Variants in SLC25A48 observed in about 807,000 individuals in gnomAD.
The protein encoded by SLC25A48 is solute carrier family 25 member 48.
In SLC25A48, 29 loss-of-function variants were observed where a neutral mutation model predicts 32.2. The observed-to-expected ratio is 0.90, with a 90% CI of 0.67 to 1.23. The LOEUF (loss-of-function observed/expected upper bound fraction) is 1.23, where lower values mean the gene tolerates loss of function less well. Among genes scored for constraint, SLC25A48 ranks in the 50% most tolerant of loss-of-function variants. The probability of loss-of-function intolerance (pLI) is 0.00; values close to 1 mark genes in which losing one functional copy is unlikely to be tolerated. For missense variants in SLC25A48, 399 were observed against 422.7 expected (o/e 0.94, Z 0.49); for synonymous variants, 164 against 172.3 (o/e 0.95, Z 0.38).
chr5:135,869,315 C>G (rs536450340), intron 4 of SLC25A48, among the ~76,000 whole-genome samples: 2 of 152,264 alleles, frequency 1.3e-5, no homozygotes, highest in Admixed American at 1.3e-4. Context: ...ACTGCACTAA[C>G]AGCCATAAAT....
chr5:135,636,308 C>T (rs773895389), intron 3 of SLC25A48, among the ~76,000 whole-genome samples: 4 of 152,020 alleles, frequency 2.6e-5, no homozygotes, highest in East Asian at 3.9e-4. Flanking sequence ...GTTTAATGAG[C>T]GAGAGACAAG....
chr5:135,586,106 T>C (rs2109004), intron 1 of SLC25A48, among the ~76,000 whole-genome samples: 13,508 of 152,276 alleles, frequency 0.089, 602 homozygotes, highest in South Asian at 0.15. Flanking sequence ...AGGTTAAGTA[T>C]GTTGCCCAAA....
chr5:135,865,263 C>T (rs1761097522), intron 4 of SLC25A48, among the ~76,000 whole-genome samples: 1 of 152,160 alleles, frequency 6.6e-6, no homozygotes, highest in Admixed American at 6.5e-5. Flanking sequence ...TCTTGGGCCT[C>T]TCACGTCATG....
chr5:135,728,725 C>T (rs987276529), intron 3 of SLC25A48, among the ~76,000 whole-genome samples: 1 of 152,078 alleles, frequency 6.6e-6, no homozygotes, highest in African/African-American at 2.4e-5. Context: ...AGATGAAGAT[C>T]CAGTTCTTTG....
chr5:135,722,233 A>G (rs1308633248), intron 3 of SLC25A48, among the ~76,000 whole-genome samples: 1 of 152,030 alleles, frequency 6.6e-6, no homozygotes, highest in Non-Finnish European at 1.5e-5. Flanking sequence ...TCTCACATTT[A>G]CTTGTGCTTG....
intron 3 of SLC25A48, among the ~76,000 whole-genome samples, chr5:135,673,225 T>G (rs1345489383): frequency 6.6e-6 from 1 of 152,236 alleles, no homozygotes; most frequent in East Asian, 1.9e-4. Flanking sequence ...TGTATTTTAA[T>G]TCCTCTTTGC....
chr5:135,653,369 G>A (rs1471273766), intron 3 of SLC25A48, among the ~76,000 whole-genome samples: 2 of 152,164 alleles, frequency 1.3e-5, no homozygotes, highest in African/African-American at 4.8e-5. Context: ...GATTCTGTAG[G>A]TCACTTCCAT....
At position 135,883,160 on chromosome 5, in the gene SLC25A48, C is replaced by A. The variant is rs1762594336; in HGVS notation, c.*7+3063C>A. The stretch of plus-strand genomic sequence containing the variant: ...ACTCTCCACCAGGTGGGCTTTCAGC[C>A]AGGCAGGCTGTCCTCAGAACCTCTT... On this transcript the variant is annotated intron_variant, in intron 7 of 7. Coordinates refer to ENST00000681962, the MANE Select transcript of SLC25A48 (RefSeq NM_001349336.2). 7 of 985,506 alleles carry A rather than the reference C, an allele frequency of 7.1e-6. No individual in the cohort carries two copies. The South Asian group carries it at 3.3e-4, about 46-fold the overall frequency. The allele number at this position is 985,506 out of a possible 1,614,324, so 61.0% of individuals were successfully genotyped here.
chr5:135,796,234 A>G (rs1353576388), intron 3 of SLC25A48, among the ~76,000 whole-genome samples: 3 of 151,112 alleles, frequency 2.0e-5, no homozygotes, highest in African/African-American at 4.9e-5. Context: ...ATTACTCTCC[A>G]TATCACGGGG....
At chr5:135,838,589 C>G (rs1162005560) in intron 1 of SLC25A48, among the ~76,000 whole-genome samples, 1 of 152,294 alleles carries the variant, frequency 6.6e-6, no homozygotes, top group East Asian at 1.9e-4. Context: ...TGGGCTGGGC[C>G]CAGGGACCTC....
intron 1 of SLC25A48, among the ~76,000 whole-genome samples, chr5:135,605,175 A>G (rs572971062): frequency 6.6e-6 from 1 of 152,316 alleles, no homozygotes; most frequent in Non-Finnish European, 1.5e-5. Context: ...GATAATTTTT[A>G]TTTATTTATA....
At chr5:135,762,261 A>G (rs988827733) in intron 3 of SLC25A48, among the ~76,000 whole-genome samples, 1 of 152,144 alleles carries the variant, frequency 6.6e-6, no homozygotes, top group African/African-American at 2.4e-5. Context: ...AACCATGCAG[A>G]TGGATGCATG....
intron 3 of SLC25A48, among the ~76,000 whole-genome samples, chr5:135,710,124 C>A (rs1474557310): frequency 6.6e-6 from 1 of 152,180 alleles, no homozygotes; most frequent in East Asian, 1.9e-4. Flanking sequence ...CTGTGAGGCC[C>A]CAAGTGTGTC....
At chr5:135,675,486 C>T (rs1324368184) in intron 3 of SLC25A48, among the ~76,000 whole-genome samples, 2 of 151,978 alleles carry the variant, frequency 1.3e-5, no homozygotes, top group African/African-American at 2.4e-5. Flanking sequence ...ATGTTCTTGG[C>T]ACCTTTATTG....
At chr5:135,639,161 T>C (rs1508773) in intron 3 of SLC25A48, among the ~76,000 whole-genome samples, 71,816 of 151,628 alleles carry the variant, frequency 0.47, 17,152 homozygotes, top group South Asian at 0.51. Flanking sequence ...TATGTTCTTT[T>C]GGGCAACAGT....
chr5:135,618,585 T>G (rs914765210), intron 1 of SLC25A48, among the ~76,000 whole-genome samples: 1 of 152,094 alleles, frequency 6.6e-6, no homozygotes, highest in Non-Finnish European at 1.5e-5. Context: ...TATGTTGTAT[T>G]TGCTCTACCA....
chr5:135,774,087 A>C (rs1756487380), intron 3 of SLC25A48, among the ~76,000 whole-genome samples: 1 of 151,490 alleles, frequency 6.6e-6, no homozygotes, highest in African/African-American at 2.4e-5. Context: ...CCAAATATCC[A>C]GGGGAATGAG....
chr5:135,635,216 G>C (rs1752670958), intron 3 of SLC25A48, among the ~76,000 whole-genome samples: 1 of 152,192 alleles, frequency 6.6e-6, no homozygotes, highest in South Asian at 2.1e-4. Context: ...CTGCAGTGGG[G>C]TTGGTGGAAC....
intron 3 of SLC25A48, among the ~76,000 whole-genome samples, chr5:135,643,019 T>C (rs963812681): frequency 2.0e-5 from 3 of 152,286 alleles, no homozygotes; most frequent in Admixed American, 2.0e-4. Flanking sequence ...ACGCAAGTCC[T>C]AAACCCCCAG....
Sources: gnomAD v4.1 joint callset for allele counts (sites outside exome capture counted in the v4.1 genomes callset) on GRCh38, gnomAD v4.1.1 for gene constraint, MANE v1.5 for transcripts, NCBI Gene and HGNC (gene_info 2026-07-23, HGNC 2026-07-21) for gene names.